Variants in OPALIN observed in about 807,000 individuals in gnomAD.
The protein encoded by OPALIN is transmembrane protein 10.
OPALIN carries 15 observed loss-of-function variants against 17.8 expected under a neutral mutation model. That is an observed-to-expected ratio of 0.84 (90% CI 0.56 to 1.29). OPALIN has a LOEUF of 1.29. OPALIN is among the 50% of genes most tolerant of loss of function. The pLI, the probability that OPALIN is intolerant of heterozygous loss-of-function variation, is 0.00. For missense variants in OPALIN, 170 were observed against 176.0 expected (o/e 0.97, Z 0.19); for synonymous variants, 62 against 63.8 (o/e 0.97, Z 0.14).
intron 1 of OPALIN, 57 bp downstream of exon 1, chr10:96,358,837 G>A: frequency 1.3e-6 from 2 of 1,580,936 alleles, no homozygotes; most frequent in Middle Eastern, 1.7e-4. Context: ...GAATTTGGAG[G>A]TTTTTTATAG....
At chr10:96,358,806 T>G in intron 1 of OPALIN, 88 bp downstream of exon 1, 1 of 1,335,604 alleles carries the variant, frequency 7.5e-7, no homozygotes, top group Admixed American at 1.7e-5. Flanking sequence ...AAAGTCCCTT[T>G]ACTTCATTGT....
At position 96,349,818 on chromosome 10, in the gene OPALIN, C is replaced by A; in HGVS notation, c.81G>T (p.Gly27=). The A allele has an allele frequency of 6.2e-7, 1 of 1,613,432 alleles. No homozygotes were observed. The highest frequency in any genetic ancestry group is 8.5e-7 in the Non-Finnish European group (1 of 1,179,728). ...PVTGGKETDC[G]PSLGLAAGIP... is the part of the protein sequence containing the mutation. ...TGCCCGCCGCTAATCCAAGAGAGGG[C>A]CCACAGTCCTGGCACAGAATGAAAA... The change falls in exon 4 of 6, where the codon GGG becomes GGT. Residue 27 remains glycine (G), a synonymous_variant. Transcript: ENST00000371172.
intron 2 of OPALIN, among the ~76,000 whole-genome samples, chr10:96,354,147 G>C (rs1845707649): frequency 1.3e-5 from 2 of 152,206 alleles, no homozygotes; most frequent in African/African-American, 2.4e-5. Flanking sequence ...AACTGGGCCA[G>C]AAAAATGCCT....
intron 5 of OPALIN, among the ~76,000 whole-genome samples, chr10:96,347,414 G>A (rs930815113): frequency 1.7e-4 from 25 of 151,164 alleles, no homozygotes; most frequent in Admixed American, 1.7e-3. Flanking sequence ...TTTCTATGTC[G>A]ACAATCATAC....
In OPALIN at chr10:96,357,258, G is replaced by A. The variant is rs541891529; in HGVS notation, c.3+1636C>T. On this transcript the variant is annotated intron_variant, in intron 1 of 5. Coordinates refer to ENST00000371172, the MANE Select transcript of OPALIN (RefSeq NM_033207.5). ...TCCTTTGGGAGGACAGTAGAAGAGG[G>A]GGTGCAGCAACAAGTGGGCCATTGC... 3.1e-5 allele frequency: 19 copies of A among 618,748 alleles called. 1 individual carries two copies. The Middle Eastern group carries it at 4.8e-3, about 157-fold the overall frequency. The allele number at this position is 618,748 out of a possible 1,614,324, so 38.3% of individuals were successfully genotyped here. A position where few individuals can be genotyped will look rare whatever the true frequency, so the allele number is the denominator to read the frequency against.
At position 96,344,194 on chromosome 10, in the gene OPALIN, T is replaced by C. The variant is rs1331094054; in HGVS notation, c.*1747A>G. 1 of 152,322 alleles carries C rather than the reference T, an allele frequency of 6.6e-6. No individual in the cohort carries two copies. The highest frequency in any genetic ancestry group is 2.1e-4 in the South Asian group (1 of 4,838). 9.4% of individuals were successfully genotyped at this position (152,322 alleles called of 1,614,324 possible). ...ACTTGGTTCTACTCCACAGAGTAGA[T>C]ACAGCCCTCATTTCTAATAATCTTT... On this transcript the variant is annotated 3_prime_UTR_variant, in exon 6 of 6. Transcript: ENST00000371172.
intron 1 of OPALIN, among the ~76,000 whole-genome samples, chr10:96,358,186 T>TAAA (rs61616596): frequency 0.029 from 1,805 of 61,468 alleles, 115 homozygotes; most frequent in East Asian, 0.09. Context: ...ATGCTTTTTG[T>TAAA]AAAAAAAAAA....
At chr10:96,356,449 G>A (rs1845822151) in intron 1 of OPALIN, among the ~76,000 whole-genome samples, 1 of 152,190 alleles carries the variant, frequency 6.6e-6, no homozygotes, top group Admixed American at 6.5e-5. Context: ...TTTTCCAGCA[G>A]AGGAAACTGA....
intron 5 of OPALIN, 65 bp downstream of exon 5, chr10:96,348,224 C>T: frequency 1.3e-6 from 1 of 761,082 alleles, no homozygotes; most frequent in Non-Finnish European, 2.1e-6. Context: ...TGGTGAAAGG[C>T]TTTCAAACAC....
At chr10:96,355,227 C>CCTGGTGAATGGGGG in intron 2 of OPALIN, 28 bp downstream of exon 2, 1 of 1,593,100 alleles carries the variant, frequency 6.3e-7, no homozygotes, top group South Asian at 1.1e-5. Context: ...CTCTGCGTTG[C>CCTGGTGAATGGGGG]CTGGTGAATG....
chr10:96,346,127 A>G lies in OPALIN; in HGVS notation c.250-10T>C. 1 of 1,611,840 alleles carries G rather than the reference A, an allele frequency of 6.2e-7. No individual in the cohort carries two copies. Among genetic ancestry groups the G allele is most frequent in the Non-Finnish European group, 8.5e-7 (1 of 1,178,722 alleles). Reference sequence around the variant, plus strand: ...GTGATCTCCTAGGATTCTTAAGGAAACAAATAGGTTTTTTAAAAACTACAG... The same window carrying G: ...GTGATCTCCTAGGATTCTTAAGGAAGCAAATAGGTTTTTTAAAAACTACAG... On this transcript the variant is annotated splice_polypyrimidine_tract_variant and intron_variant, in intron 5 of 5. Coordinates refer to ENST00000371172, the MANE Select transcript of OPALIN (RefSeq NM_033207.5).
In OPALIN at chr10:96,349,783, A is replaced by G; in HGVS notation, c.116T>C (p.Leu39Pro). The G allele has an allele frequency of 6.2e-7, 1 of 1,612,814 alleles. No homozygotes were observed. ...SLGLAAGIPL[L>P]VATALLVALL... ...AGCCACCAGCAGGGCTGTGGCCACC[A>G]GCAATGGTATGCCCGCCGCTAATCC... Residue 39 changes from leucine (L) to proline (P), a missense_variant, in exon 4 of 6, where the codon CTG becomes CCG. Physicochemically the swap from Leu to Pro is moderately conservative, Grantham distance 98 (BLOSUM62 -3). Coordinates refer to ENST00000371172, the MANE Select transcript of OPALIN (RefSeq NM_033207.5).
At chr10:96,347,266 T>TA (rs1257391133) in intron 5 of OPALIN, among the ~76,000 whole-genome samples, 8 of 151,950 alleles carry the variant, frequency 5.3e-5, no homozygotes, top group Non-Finnish European at 1.2e-4. Flanking sequence ...GGCTAACTTT[T>TA]GTGTTTTTAG....
In OPALIN at chr10:96,358,932, G is replaced by A. The variant is rs373934994; in HGVS notation, c.-36C>T. 3.5e-5 allele frequency: 57 copies of A among 1,612,318 alleles called. No homozygotes were observed. The highest frequency in any genetic ancestry group is 4.1e-5 in the Non-Finnish European group (48 of 1,178,468). ...CTCCCAGGAACCTTCTTCGTACACTGCCTTTGGTAAGCTCCTTTCTCACTG... is the reference window on the plus strand; with the variant it reads ...CTCCCAGGAACCTTCTTCGTACACTACCTTTGGTAAGCTCCTTTCTCACTG... On this transcript the variant is annotated 5_prime_UTR_variant, in exon 1 of 6. Transcript: ENST00000371172.
intron 4 of OPALIN, 150 bp downstream of exon 4, chr10:96,349,557 G>A: frequency 1.2e-6 from 1 of 817,342 alleles, no homozygotes; most frequent in Admixed American, 2.7e-5. Flanking sequence ...TGTCATGTCT[G>A]CAGTGGAAAT....
At chr10:96,347,219 G>A (rs963109400) in intron 5 of OPALIN, among the ~76,000 whole-genome samples, 9 of 151,542 alleles carry the variant, frequency 5.9e-5, no homozygotes, top group African/African-American at 1.5e-4. Context: ...AGCCCCCCAC[G>A]AAGTAGCTGG....
rs200832972 is a variant in OPALIN at position 96,348,228 on chromosome 10, C to CA, written c.249+60dup. 5.4e-4 allele frequency: 437 copies of CA among 803,856 alleles called. 1 individual carries two copies. In the East Asian group the frequency reaches 0.011, roughly 20 times the overall value. The allele number at this position is 803,856 out of a possible 1,614,324, so 49.8% of individuals were successfully genotyped here. ...TGTGCTTCTTTTGGTGAAAGGCTTT[C>CA]AAACACTTAGCTTGTTTACTGTGTG... On this transcript the variant is annotated intron_variant, in intron 5 of 5. Coordinates refer to ENST00000371172, the MANE Select transcript of OPALIN (RefSeq NM_033207.5).
Position 96,345,794 on chromosome 10 carries a change from GAC to G in OPALIN, c.*145_*146del. On this transcript the variant is annotated 3_prime_UTR_variant, in exon 6 of 6. Coordinates refer to ENST00000371172, the MANE Select transcript of OPALIN (RefSeq NM_033207.5). ...CCATGTTGGGGATGTCCCCTAAAGA[GAC>G]AAATCAGCCCCAAAGTGTTCCAGAG... The G allele has an allele frequency of 2.8e-6, 2 of 723,348 alleles. No homozygotes were observed. Among genetic ancestry groups the G allele is most frequent in the Non-Finnish European group, 4.5e-6 (2 of 442,042 alleles). The allele number at this position is 723,348 out of a possible 1,614,324, so 44.8% of individuals were successfully genotyped here. A position where few individuals can be genotyped will look rare whatever the true frequency, so the allele number is the denominator to read the frequency against.
At chr10:96,351,255 C>A in intron 3 of OPALIN, 123 bp downstream of exon 3, 1 of 673,226 alleles carries the variant, frequency 1.5e-6, no homozygotes, top group Non-Finnish European at 2.6e-6. Flanking sequence ...AAGAATAATT[C>A]TTGAGCCAGA....
Sources: gnomAD v4.1 joint callset for allele counts (sites outside exome capture counted in the v4.1 genomes callset) on GRCh38, gnomAD v4.1.1 for gene constraint, MANE v1.5 for transcripts, NCBI Gene and HGNC (gene_info 2026-07-23, HGNC 2026-07-21) for gene names.